The following TEX9 variants were observed in gnomAD, a reference collection of about 807,000 sequenced individuals.
The protein encoded by TEX9 is testis-expressed protein 9.
TEX9 carries 74 observed loss-of-function variants against 59.6 expected under a neutral mutation model. That is an observed-to-expected ratio of 1.24 (90% confidence interval 1.03 to 1.51). The LOEUF (loss-of-function observed/expected upper bound fraction) is 1.51, where lower values mean the gene tolerates loss of function less well. Ranked by LOEUF, TEX9 falls within the 40% of genes most tolerant of loss-of-function variation. The pLI is 0.00. For missense variants in TEX9, 522 were observed against 447.8 expected (o/e 1.17, Z -1.49); for synonymous variants, 186 against 152.2 (o/e 1.22, Z -1.64).
intron 1 of TEX9, among the ~76,000 whole-genome samples, chr15:56,343,636 TA>T (rs1278018780): frequency 1.3e-5 from 2 of 152,096 alleles, no homozygotes; most frequent in Non-Finnish European, 2.9e-5. Context: ...TTTTACAATT[TA>T]GATGAAATGA....
At chr15:56,431,620 A>G (rs1055803046) in intron 12 of TEX9, 2 of 795,086 alleles carry the variant, frequency 2.5e-6, no homozygotes, top group Non-Finnish European at 3.8e-6. Flanking sequence ...CACTAAGTTC[A>G]AAAGATTCTA....
intron 1 of TEX9, among the ~76,000 whole-genome samples, chr15:56,263,042 G>T (rs1168371626): frequency 6.6e-6 from 1 of 151,754 alleles, no homozygotes. Flanking sequence ...TTTGTTTTTT[G>T]AGACGGAGTT....
chr15:56,295,468 A>G (rs1336906668), intron 1 of TEX9, among the ~76,000 whole-genome samples: 1 of 152,202 alleles, frequency 6.6e-6, no homozygotes. Flanking sequence ...TGGGTGTTCC[A>G]TCCTTTCTGC....
intron 9 of TEX9, among the ~76,000 whole-genome samples, chr15:56,404,472 A>T (rs1413124300): frequency 6.6e-6 from 1 of 152,232 alleles, no homozygotes. Context: ...ATCATTAAAA[A>T]GTTAGCAAAC....
At chr15:56,287,693 G>T (rs2044986471) in intron 1 of TEX9, among the ~76,000 whole-genome samples, 1 of 151,942 alleles carries the variant, frequency 6.6e-6, no homozygotes, top group Non-Finnish European at 1.5e-5. Context: ...AACCCCATCA[G>T]ACTCATGTAG....
At chr15:56,352,338 G>A (rs1018042664) in intron 1 of TEX9, among the ~76,000 whole-genome samples, 2 of 151,984 alleles carry the variant, frequency 1.3e-5, no homozygotes, top group Admixed American at 6.6e-5. Context: ...CCCGCCTCCC[G>A]GGTTCAAGCA....
At chr15:56,388,599 C>A in intron 5 of TEX9, 79 bp downstream of exon 5, 2 of 1,216,422 alleles carry the variant, frequency 1.6e-6, no homozygotes, top group Non-Finnish European at 2.4e-6. Flanking sequence ...TTAGACAAAG[C>A]AGAGAAGGGG....
chr15:56,429,099 T>TC (rs2050474729), intron 12 of TEX9: 3 of 1,572,950 alleles, frequency 1.9e-6, no homozygotes, highest in Non-Finnish European at 2.6e-6. Flanking sequence ...ATTTTGATGA[T>TC]ATCATTTCTC....
At chr15:56,415,069 C>T (rs1286017620) in intron 10 of TEX9, among the ~76,000 whole-genome samples, 3 of 151,718 alleles carry the variant, frequency 2.0e-5, no homozygotes, top group Non-Finnish European at 2.9e-5. Flanking sequence ...GTTCTTTCCC[C>T]ACCTTTTAAT....
intron 4 of TEX9, among the ~76,000 whole-genome samples, chr15:56,387,536 A>G (rs1191861212): frequency 6.6e-6 from 1 of 151,920 alleles, no homozygotes; most frequent in Non-Finnish European, 1.5e-5. Context: ...ATGCATGGCT[A>G]GCTAAGTGGG....
At chr15:56,262,745 C>T (rs2044294881) in intron 1 of TEX9, among the ~76,000 whole-genome samples, 2 of 152,254 alleles carry the variant, frequency 1.3e-5, no homozygotes, top group South Asian at 2.1e-4. Flanking sequence ...TTTTCCTTTA[C>T]TTCTACTAAT....
chr15:56,436,923 T>C (rs1419051744), intron 12 of TEX9, among the ~76,000 whole-genome samples: 2 of 152,100 alleles, frequency 1.3e-5, no homozygotes, highest in African/African-American at 4.8e-5. Flanking sequence ...AATCCCTGAA[T>C]AGACCAATAA....
chr15:56,422,407 C>T (rs2050025427), intron 10 of TEX9, among the ~76,000 whole-genome samples: 1 of 151,480 alleles, frequency 6.6e-6, no homozygotes, highest in South Asian at 2.1e-4. Flanking sequence ...GTTTTCTTTC[C>T]CTTCTTTTTG....
At chr15:56,255,110 T>C (rs1285154853) in intron 1 of TEX9, among the ~76,000 whole-genome samples, 1 of 152,166 alleles carries the variant, frequency 6.6e-6, no homozygotes. Flanking sequence ...GCAAATGTTT[T>C]CTGTAAAAGA....
intron 1 of TEX9, among the ~76,000 whole-genome samples, chr15:56,306,133 C>A (rs952250378): frequency 1.3e-5 from 2 of 151,544 alleles, no homozygotes; most frequent in African/African-American, 4.9e-5. Flanking sequence ...GAAAAGGTAA[C>A]CCTTGTACAC....
chr15:56,400,038 C>A (rs1205570317), intron 9 of TEX9, among the ~76,000 whole-genome samples: 1 of 152,164 alleles, frequency 6.6e-6, no homozygotes, highest in Non-Finnish European at 1.5e-5. Context: ...GAAACCAGAG[C>A]AGAAAAGCTG....
At chr15:56,394,867 C>A (rs16976896) in intron 9 of TEX9, 33 bp downstream of exon 9, 1 of 1,578,570 alleles carries the variant, frequency 6.3e-7, no homozygotes, top group Admixed American at 1.9e-5. Context: ...AACTTAATGC[C>A]ACAGATACAA....
chr15:56,332,200 G>T (rs2046161911), intron 1 of TEX9, among the ~76,000 whole-genome samples: 1 of 143,268 alleles, frequency 7.0e-6, no homozygotes. Context: ...ATTCACAATA[G>T]CAAAGACTTG....
upstream of TEX9, among the ~76,000 whole-genome samples, chr15:56,364,423 G>C (rs1280538220): frequency 2.7e-5 from 4 of 150,034 alleles, no homozygotes; most frequent in African/African-American, 9.8e-5. Context: ...AAAGTGCTTG[G>C]ATTACAGGCA....
Sources: allele counts gnomAD v4.1 joint callset (sites outside exome capture counted in the v4.1 genomes callset), GRCh38; gene constraint gnomAD v4.1.1; transcripts MANE v1.5; gene names NCBI Gene and HGNC (gene_info 2026-07-23, HGNC 2026-07-21).